The following ZSWIM5 variants were observed in gnomAD, a reference collection of about 807,000 sequenced individuals.
ZSWIM5 encodes the protein zinc finger SWIM domain-containing protein 5.
Under a neutral mutation model 119.6 loss-of-function variants are expected in ZSWIM5, and 55 were observed. The ratio of observed to expected loss-of-function variants is 0.46; its 90% confidence interval spans 0.37 to 0.58. The LOEUF is 0.58. Ranked by LOEUF, ZSWIM5 falls within the 20% of genes least tolerant of loss-of-function variation. ZSWIM5 has a pLI of 0.00. For missense variants in ZSWIM5, 1,193 were observed against 1,512.8 expected (o/e 0.79, Z 3.51); for synonymous variants, 537 against 606.9 (o/e 0.88, Z 1.69).
chr1:45,193,515 T>C (rs1646104084), intron 1 of ZSWIM5, among the ~76,000 whole-genome samples: 1 of 152,108 alleles, frequency 6.6e-6, no homozygotes, highest in Non-Finnish European at 1.5e-5. Context: ...AAATGTATAG[T>C]AGACTACAGA....
At chr1:45,189,693 CT>C (rs1646079926) in intron 1 of ZSWIM5, among the ~76,000 whole-genome samples, 1 of 152,048 alleles carries the variant, frequency 6.6e-6, no homozygotes, top group African/African-American at 2.4e-5. Flanking sequence ...AAGGTAGGGG[CT>C]GCAGTAAGCC....
chr1:45,107,232 G>C (rs1316069370), intron 1 of ZSWIM5, among the ~76,000 whole-genome samples: 2 of 152,008 alleles, frequency 1.3e-5, no homozygotes. Context: ...AAAAGACTGA[G>C]ATGTTATTTT....
chr1:45,027,917 T>A (rs1644930027), intron 11 of ZSWIM5, among the ~76,000 whole-genome samples: 1 of 152,062 alleles, frequency 6.6e-6, no homozygotes, highest in Non-Finnish European at 1.5e-5. Flanking sequence ...AATGGCATGA[T>A]CTTGGCTCAC....
At chr1:45,058,839 A>G (rs1570039739) in intron 3 of ZSWIM5, 80 bp from the exon 4 acceptor site, 2 of 1,530,132 alleles carry the variant, frequency 1.3e-6, no homozygotes, top group East Asian at 4.5e-5. Flanking sequence ...GGGAGGGGGA[A>G]GTGAAGATGA....
At chr1:45,153,811 G>C (rs763632911) in intron 1 of ZSWIM5, among the ~76,000 whole-genome samples, 2 of 152,086 alleles carry the variant, frequency 1.3e-5, no homozygotes, top group Non-Finnish European at 2.9e-5. Context: ...AACTGTCGCT[G>C]TTTGCATCTG....
chr1:45,076,159 T>G (rs191895282), intron 2 of ZSWIM5, among the ~76,000 whole-genome samples: 6 of 152,328 alleles, frequency 3.9e-5, no homozygotes, highest in African/African-American at 7.2e-5. Flanking sequence ...ACATCACGGT[T>G]ACAATGTTAT....
chr1:45,027,270 C>T (rs1460225340), intron 11 of ZSWIM5, among the ~76,000 whole-genome samples: 1 of 151,858 alleles, frequency 6.6e-6, no homozygotes, highest in African/African-American at 2.4e-5. Flanking sequence ...ATTTACATTG[C>T]TCTTCTTTCG....
chr1:45,109,731 C>T (rs1645504001), intron 1 of ZSWIM5, among the ~76,000 whole-genome samples: 1 of 130,552 alleles, frequency 7.7e-6, no homozygotes, highest in African/African-American at 3.0e-5. Context: ...GGCGACAGAG[C>T]TAGACTTCGT....
chr1:45,019,192 A>G lies in ZSWIM5; in HGVS notation c.2820T>C (p.Tyr940=). ...HTTILRLSLD[Y]PQREELASCA... is the part of the protein sequence containing the mutation. The stretch of plus-strand genomic sequence containing the variant: ...AGCTAGCCAGTTCCTCCCGCTGTGG[A>G]TAGTCAAGACTGAGGCGCAGGATAG... Residue 940 remains tyrosine, a synonymous_variant, in exon 14 of 14, where the codon TAT becomes TAC. Coordinates refer to ENST00000359600, the MANE Select transcript of ZSWIM5 (RefSeq NM_020883.2). This position sits in a 1 kb window ranked among gnomAD's most constrained non-coding sequence, Gnocchi z 5.0. 1 of 1,613,656 alleles carries G rather than the reference A, an allele frequency of 6.2e-7. No individual in the cohort carries two copies. The highest frequency in any genetic ancestry group is 2.2e-5 in the East Asian group (1 of 44,882).
At chr1:45,059,373 C>T (rs1645140532) in intron 3 of ZSWIM5, among the ~76,000 whole-genome samples, 1 of 152,066 alleles carries the variant, frequency 6.6e-6, no homozygotes, top group Admixed American at 6.6e-5. Context: ...ATCTTAAAAA[C>T]ATTATGCTGA....
chr1:45,058,035 A>G (rs1645132389), intron 4 of ZSWIM5, among the ~76,000 whole-genome samples: 1 of 152,182 alleles, frequency 6.6e-6, no homozygotes, highest in Non-Finnish European at 1.5e-5. Context: ...GAGAAAGCCC[A>G]AGTTCATTTT....
chr1:45,019,288 C>T lies in ZSWIM5; in HGVS notation c.2724G>A (p.Gln908=), dbSNP rs1644873405. 1 of 1,612,592 alleles carries T rather than the reference C, an allele frequency of 6.2e-7. No homozygotes were observed. Among genetic ancestry groups the T allele is most frequent in the Admixed American group, 1.7e-5 (1 of 59,988 alleles). The change falls in exon 14 of 14, where the codon CAG becomes CAA. Residue 908 remains glutamine (Q), a synonymous_variant. Coordinates refer to ENST00000359600, the MANE Select transcript of ZSWIM5 (RefSeq NM_020883.2). The surrounding 1 kb of genome is among the most constrained non-coding windows in gnomAD (Gnocchi z 5.0). ...VGVRALVSIL[Q]SWYTLFTPTE... is the part of the protein sequence containing the mutation. Reference sequence around the variant, plus strand: ...TAGGGGTGAAGAGTGTGTACCAGCTCTGCAAGATGCTCACCAGGGCCCGCA... The same window carrying T: ...TAGGGGTGAAGAGTGTGTACCAGCTTTGCAAGATGCTCACCAGGGCCCGCA...
chr1:45,050,209 G>C (rs1299680474), intron 5 of ZSWIM5, among the ~76,000 whole-genome samples: 1 of 151,938 alleles, frequency 6.6e-6, no homozygotes, highest in Non-Finnish European at 1.5e-5. Flanking sequence ...ACAAAAATTA[G>C]CCGGGCGTGG....
intron 1 of ZSWIM5, among the ~76,000 whole-genome samples, chr1:45,095,654 CAT>C (rs976531811): frequency 2.6e-5 from 4 of 152,104 alleles, no homozygotes; most frequent in African/African-American, 9.7e-5. Context: ...CATCAGGAGA[CAT>C]ATAACGCCTG....
rs371390273 is a variant in ZSWIM5 at position 45,022,287 on chromosome 1, C to T, written c.2450-1499G>A. ...CTGAGACTACAGGCGCCCACCACCA[C>T]GCCCGGCTAATTTTTTGCATTTTTA... On this transcript the variant is annotated intron_variant, in intron 11 of 13. Transcript: ENST00000359600. Among the ~76,000 whole-genome samples the T allele has an allele frequency of 3.3e-5, 5 of 151,774 alleles. No individual in the cohort carries two copies. In the East Asian group the frequency reaches 5.9e-4, roughly 18 times the overall value.
intron 1 of ZSWIM5, among the ~76,000 whole-genome samples, chr1:45,166,607 C>T (rs958099200): frequency 5.9e-5 from 9 of 152,088 alleles, no homozygotes; most frequent in Middle Eastern, 3.4e-3. Flanking sequence ...TAAGCTGATA[C>T]GCAACTTCAG....
At position 45,039,013 on chromosome 1, in the gene ZSWIM5, A is replaced by G. The variant is rs772816732; in HGVS notation, c.1817T>C (p.Leu606Pro). The part of the protein sequence containing the change: ...TNLEGWVGHP[L>P]DPIDCLFLTL... ...GAGAAACAGGCAGTCGATGGGATCC[A>G]GGGGGTGGCCCACCCAGCCCTCCAG... Residue 606 changes from leucine (L) to proline (P), a missense_variant, in exon 8 of 14, where the codon CTG (leucine) becomes CCG (proline). Physicochemically the swap from Leu to Pro is moderately conservative, Grantham distance 98 (BLOSUM62 -3). Coordinates refer to ENST00000359600, the MANE Select transcript of ZSWIM5 (RefSeq NM_020883.2). The G allele has an allele frequency of 4.3e-6, 7 of 1,613,996 alleles. No individual in the cohort carries two copies. The highest frequency in any genetic ancestry group is 5.9e-6 in the Non-Finnish European group (7 of 1,180,010).
In ZSWIM5 at chr1:45,018,314, C is replaced by A. The variant is rs184642741; in HGVS notation, c.*140G>T. The A allele has an allele frequency of 1.6e-4, 171 of 1,056,322 alleles. No homozygotes were observed. The African/African-American group carries it at 2.6e-3, about 16-fold the overall frequency. 65.4% of individuals were successfully genotyped at this position (1,056,322 alleles called of 1,614,324 possible). On this transcript the variant is annotated 3_prime_UTR_variant, in exon 14 of 14. Transcript: ENST00000359600. This position sits in a 1 kb window ranked among gnomAD's most constrained non-coding sequence, Gnocchi z 6.7. ...TTATCGACTAGAGCTGGACTTTCCC[C>A]ATCCTTAGCCCTGTGGTCCTTTGGC...
At chr1:45,091,750 A>G (rs1645365560) in intron 1 of ZSWIM5, among the ~76,000 whole-genome samples, 1 of 152,180 alleles carries the variant, frequency 6.6e-6, no homozygotes, top group Non-Finnish European at 1.5e-5. Flanking sequence ...TATCCGTTCA[A>G]TGCTTCAGGC....
Sources: gnomAD v4.1 joint callset for allele counts (sites outside exome capture counted in the v4.1 genomes callset) on GRCh38, gnomAD v4.1.1 for gene constraint, Gnocchi (gnomAD v3.1) non-coding constraint, MANE v1.5 for transcripts, NCBI Gene and HGNC (gene_info 2026-07-23, HGNC 2026-07-21) for gene names.